ZDHHC7: variants seen among roughly 807,000 people sequenced by gnomAD.
ZDHHC7 encodes palmitoyltransferase ZDHHC7.
In ZDHHC7, 12 loss-of-function variants were observed where a neutral mutation model predicts 34.1. That is an observed-to-expected ratio of 0.35 (90% CI 0.23 to 0.57). The LOEUF (loss-of-function observed/expected upper bound fraction) is 0.57, where lower values mean the gene tolerates loss of function less well. ZDHHC7 is among the 20% of genes least tolerant of loss of function. ZDHHC7 has a pLI of 0.84. For missense variants in ZDHHC7, 388 were observed against 402.7 expected, an observed-to-expected ratio of 0.96 and a Z score of 0.31; for synonymous variants, 185 against 155.4, an observed-to-expected ratio of 1.19 and a Z score of -1.42.
At chr16:85,006,064 G>A (rs953070728) in intron 1 of ZDHHC7, among the ~76,000 whole-genome samples, 3 of 152,144 alleles carry the variant, frequency 2.0e-5, no homozygotes, top group East Asian at 3.8e-4. Context: ...AGGAATCACC[G>A]TTCAAAATCA....
chr16:85,013,534 C>T (rs12102442), upstream of ZDHHC7, among the ~76,000 whole-genome samples: 25,732 of 152,086 alleles, frequency 0.17, 2,256 homozygotes, highest in Middle Eastern at 0.2. Flanking sequence ...TGAGCCACCA[C>T]GCCCGGCCAA....
At chr16:84,984,547 T>C (rs1174081015) in intron 3 of ZDHHC7, among the ~76,000 whole-genome samples, 27 of 152,158 alleles carry the variant, frequency 1.8e-4, no homozygotes, top group Admixed American at 1.8e-3. Context: ...ACGATACACT[T>C]CTGGAAAGCG....
chr16:85,004,952 T>C (rs1432356516), intron 1 of ZDHHC7: 3 of 152,192 alleles, frequency 2.0e-5, no homozygotes, highest in Non-Finnish European at 2.9e-5. Context: ...CCAGAAAACA[T>C]GTGCGCGGGA....
intron 3 of ZDHHC7, among the ~76,000 whole-genome samples, chr16:84,987,801 G>A (rs771624474): frequency 9.9e-5 from 15 of 152,180 alleles, no homozygotes; most frequent in Non-Finnish European, 1.8e-4. Flanking sequence ...GCCACAGCAC[G>A]ATGGACCCCG....
At chr16:84,980,968 A>G (rs1461293113) in intron 4 of ZDHHC7, among the ~76,000 whole-genome samples, 2 of 152,216 alleles carry the variant, frequency 1.3e-5, no homozygotes, top group Non-Finnish European at 2.9e-5. Context: ...AGCACCCTGT[A>G]TCTGGGTTTC....
the ZDHHC7 span, among the ~76,000 whole-genome samples, chr16:85,024,276 G>C: frequency 7.2e-6 from 1 of 138,032 alleles, no homozygotes; most frequent in Non-Finnish European, 1.5e-5. Flanking sequence ...CTGTTGCCTA[G>C]GCTAGAGTGC....
At chr16:85,010,614 A>G (rs1383768630) in intron 1 of ZDHHC7, among the ~76,000 whole-genome samples, 1 of 152,224 alleles carries the variant, frequency 6.6e-6, no homozygotes, top group Non-Finnish European at 1.5e-5. Flanking sequence ...CCGCATCAAC[A>G]CTGTCTCTTA....
At position 84,981,543 on chromosome 16, in the gene ZDHHC7, C is replaced by T. The variant is rs567909187; in HGVS notation, c.440+327G>A. On this transcript the variant is annotated intron_variant, in intron 4 of 7. Coordinates refer to ENST00000313732, the MANE Select transcript of ZDHHC7 (RefSeq NM_017740.3). ...TGTGCCCAGGAGCTGTGAGCACACA[C>T]GTGCTGGCCTGTGTGGCATGTGTGC... Among the ~76,000 whole-genome samples, 44 of 152,330 alleles carry T rather than the reference C, an allele frequency of 2.9e-4. No homozygotes were observed. The South Asian group carries it at 7.5e-3, about 26-fold the overall frequency.
At chr16:84,980,488 G>A (rs1038248033) in intron 4 of ZDHHC7, among the ~76,000 whole-genome samples, 2 of 151,906 alleles carry the variant, frequency 1.3e-5, no homozygotes, top group Admixed American at 1.3e-4. Context: ...TGGCCAATGT[G>A]GCAAAACCCC....
chr16:84,979,379 T>A (rs1170794844), intron 4 of ZDHHC7, 94 bp from the exon 5 acceptor site: 1 of 1,491,118 alleles, frequency 6.7e-7, no homozygotes, highest in South Asian at 1.3e-5. Context: ...AAAATTAGAA[T>A]GTATATTCTA....
chr16:85,025,729 T>G, the ZDHHC7 span, among the ~76,000 whole-genome samples: 1 of 152,186 alleles, frequency 6.6e-6, no homozygotes, highest in Non-Finnish European at 1.5e-5. Flanking sequence ...AAAAACCAGT[T>G]TGAATTGAGT....
intron 4 of ZDHHC7, among the ~76,000 whole-genome samples, chr16:84,981,576 G>C (rs748565090): frequency 6.6e-6 from 1 of 152,236 alleles, no homozygotes; most frequent in Non-Finnish European, 1.5e-5. Flanking sequence ...TGCCACAACA[G>C]AGGCGGGAAC....
chr16:84,992,807 C>G (rs1224304284), intron 2 of ZDHHC7, among the ~76,000 whole-genome samples: 7 of 152,184 alleles, frequency 4.6e-5, no homozygotes, highest in Non-Finnish European at 8.8e-5. Flanking sequence ...AGTAACAGCA[C>G]TGGGTGCTGT....
In ZDHHC7 at chr16:84,979,228, A is replaced by G. The variant is rs1453786678; in HGVS notation, c.498T>C (p.Cys166=). ...AAAATCTTTGATTCTTTTCTCCTAC[A>G]CAATTGTTCACCCACGGGCAGTGAT... is the stretch of plus-strand genomic sequence containing the variant. ...MDHHCPWVNN[C]VGEKNQRFFV... Residue 166 remains cysteine (C), a synonymous_variant, in exon 5 of 8, where the codon TGT becomes TGC. Coordinates refer to ENST00000313732, the MANE Select transcript of ZDHHC7 (RefSeq NM_017740.3). 1.2e-6 allele frequency: 2 copies of G among 1,606,630 alleles called. No homozygotes were observed. Among genetic ancestry groups the G allele is most frequent in the Non-Finnish European group, 8.5e-7 (1 of 1,178,616 alleles).
upstream of ZDHHC7, among the ~76,000 whole-genome samples, chr16:85,016,262 T>G (rs981126997): frequency 5.3e-5 from 8 of 151,552 alleles, no homozygotes; most frequent in Non-Finnish European, 1.2e-4. Context: ...GCTCACGTGA[T>G]CCTTCCACCT....
chr16:84,991,759 A>G (rs2143649598), intron 2 of ZDHHC7, among the ~76,000 whole-genome samples: 1 of 152,138 alleles, frequency 6.6e-6, no homozygotes, highest in East Asian at 1.9e-4. Flanking sequence ...TCAGCCTCCC[A>G]AAGTGCTGGG....
the ZDHHC7 span, among the ~76,000 whole-genome samples, chr16:85,025,092 C>A: frequency 6.6e-6 from 1 of 152,082 alleles, no homozygotes; most frequent in Non-Finnish European, 1.5e-5. Context: ...GCCTGGCCAA[C>A]ATGGTGAAAC....
chr16:85,002,747 C>T (rs1218382374), intron 1 of ZDHHC7, among the ~76,000 whole-genome samples: 2 of 151,968 alleles, frequency 1.3e-5, no homozygotes, highest in African/African-American at 4.8e-5. Context: ...GTCGACAAAG[C>T]GGAATGATCC....
the ZDHHC7 span, among the ~76,000 whole-genome samples, chr16:85,026,047 C>G: frequency 2.6e-5 from 4 of 152,224 alleles, no homozygotes; most frequent in South Asian, 8.3e-4. Flanking sequence ...AACCTTTTGA[C>G]AAGGTCAGAA....
Sources: gnomAD v4.1 joint callset for allele counts (sites outside exome capture counted in the v4.1 genomes callset) on GRCh38, gnomAD v4.1.1 for gene constraint, MANE v1.5 for transcripts, NCBI Gene and HGNC (gene_info 2026-07-23, HGNC 2026-07-21) for gene names.